Variants in EIF4B observed in about 807,000 individuals in gnomAD.
The protein encoded by EIF4B is eukaryotic translation initiation factor 4B.
In EIF4B, 8 loss-of-function variants were observed where a neutral mutation model predicts 79.3. That is an observed-to-expected ratio of 0.10 (90% confidence interval 0.06 to 0.18). The LOEUF (loss-of-function observed/expected upper bound fraction) is 0.18, where lower values mean the gene tolerates loss of function less well. Ranked by LOEUF, EIF4B falls within the 10% of genes least tolerant of loss-of-function variation. The probability of loss-of-function intolerance (pLI) is 1.00; values close to 1 mark genes in which losing one functional copy is unlikely to be tolerated. For missense variants in EIF4B, 515 were observed against 792.4 expected, an observed-to-expected ratio of 0.65 and a Z score of 4.20; for synonymous variants, 238 against 274.7, an observed-to-expected ratio of 0.87 and a Z score of 1.32.
At chr12:53,012,919 C>T (rs1447306849) in intron 1 of EIF4B, among the ~76,000 whole-genome samples, 3 of 152,128 alleles carry the variant, frequency 2.0e-5, no homozygotes, top group African/African-American at 7.2e-5. Flanking sequence ...ATTTCTTAAC[C>T]AGAGGGCCTG....
chr12:53,035,193 C>A (rs2120977133), intron 10 of EIF4B, among the ~76,000 whole-genome samples: 1 of 151,784 alleles, frequency 6.6e-6, no homozygotes, highest in East Asian at 1.9e-4. Flanking sequence ...CCTTCCCTTA[C>A]CATGATGTGT....
chr12:53,007,346 A>G (rs570523865), intron 1 of EIF4B, among the ~76,000 whole-genome samples: 1 of 148,162 alleles, frequency 6.7e-6, no homozygotes, highest in Non-Finnish European at 1.5e-5. Flanking sequence ...GCGCAGCTAT[A>G]TGCCAGGATC....
chr12:53,029,377 A>T (rs61929171), intron 8 of EIF4B, among the ~76,000 whole-genome samples: 929 of 13,978 alleles, frequency 0.066, 48 homozygotes, highest in Non-Finnish European at 0.13. Flanking sequence ...TTTTTATTTT[A>T]TTTTTTTTTT....
At chr12:53,007,714 C>A (rs1433254089) in intron 1 of EIF4B, among the ~76,000 whole-genome samples, 2 of 152,092 alleles carry the variant, frequency 1.3e-5, no homozygotes, top group African/African-American at 4.8e-5. Flanking sequence ...CATTTCTTAC[C>A]TAGTAATTCA....
rs1371263643 is a variant in EIF4B at position 53,041,191 on chromosome 12, T to G, written c.*968T>G. 6.6e-6 allele frequency: 1 copy of G among 152,236 alleles called. No individual in the cohort carries two copies. The highest frequency in any genetic ancestry group is 2.4e-5 in the African/African-American group (1 of 41,462). 9.4% of individuals were successfully genotyped at this position (152,236 alleles called of 1,614,324 possible). On this transcript the variant is annotated 3_prime_UTR_variant, in exon 15 of 15. Transcript: ENST00000262056. The stretch of plus-strand genomic sequence containing the variant: ...AAAAGCAGTATCTAAGTCACATACA[T>G]GATGTCTTGGGCATTTTCTCAGCCA...
At chr12:53,034,155 C>T in intron 9 of EIF4B, 121 bp downstream of exon 9, 3 of 987,478 alleles carry the variant, frequency 3.0e-6, no homozygotes, top group Non-Finnish European at 4.5e-6. Context: ...CACTGATGGG[C>T]ATTTAGTGGG....
chr12:53,031,988 T>C (rs1174138041), intron 8 of EIF4B, among the ~76,000 whole-genome samples: 1 of 152,236 alleles, frequency 6.6e-6, no homozygotes, highest in Non-Finnish European at 1.5e-5. Flanking sequence ...GAAATTTAAC[T>C]TCCTTGAAAC....
chr12:53,011,038 A>G (rs1943056232), intron 1 of EIF4B, among the ~76,000 whole-genome samples: 1 of 152,172 alleles, frequency 6.6e-6, no homozygotes, highest in African/African-American at 2.4e-5. Flanking sequence ...CCAAGGCAAG[A>G]GGATCACTTA....
chr12:53,019,618 G>A (rs921398896), intron 3 of EIF4B, among the ~76,000 whole-genome samples: 13 of 149,650 alleles, frequency 8.7e-5, no homozygotes, highest in Non-Finnish European at 1.5e-4. Flanking sequence ...CACCTGCTTC[G>A]GCCTCCCAAA....
intron 1 of EIF4B, among the ~76,000 whole-genome samples, chr12:53,009,612 A>G (rs1485359766): frequency 6.6e-6 from 1 of 152,154 alleles, no homozygotes; most frequent in Non-Finnish European, 1.5e-5. Flanking sequence ...TTATTTGATT[A>G]TTTTTATAGG....
chr12:53,006,666 G>A (rs546107791), intron 1 of EIF4B, among the ~76,000 whole-genome samples, 170 bp downstream of exon 1: 1 of 151,570 alleles, frequency 6.6e-6, no homozygotes, highest in Non-Finnish European at 1.5e-5. Flanking sequence ...TGGATGTTTG[G>A]GGGGGAGGGG....
At chr12:53,009,418 C>A (rs904046839) in intron 1 of EIF4B, among the ~76,000 whole-genome samples, 2 of 152,074 alleles carry the variant, frequency 1.3e-5, no homozygotes, top group Non-Finnish European at 2.9e-5. Context: ...CGCCTGTAAT[C>A]CAGGAGGCAG....
intron 2 of EIF4B, among the ~76,000 whole-genome samples, chr12:53,018,154 C>A (rs1053105923): frequency 1.3e-5 from 2 of 152,120 alleles, no homozygotes; most frequent in African/African-American, 4.8e-5. Flanking sequence ...CCACACCTGG[C>A]TAATTTTTGT....
At chr12:53,026,169 T>C (rs749668422) in intron 6 of EIF4B, among the ~76,000 whole-genome samples, 17 of 152,154 alleles carry the variant, frequency 1.1e-4, no homozygotes, top group Non-Finnish European at 2.2e-4. Context: ...TTAAAACGTG[T>C]AGGTTGTTTT....
At chr12:53,013,280 A>G (rs1467268294) in intron 1 of EIF4B, among the ~76,000 whole-genome samples, 1 of 152,158 alleles carries the variant, frequency 6.6e-6, no homozygotes, top group Non-Finnish European at 1.5e-5. Flanking sequence ...TTCTGTTTTT[A>G]TCCTCCCAGT....
At chr12:53,037,793 T>C (rs1943564455) in intron 11 of EIF4B, 171 bp downstream of exon 11, 1 of 710,368 alleles carries the variant, frequency 1.4e-6, no homozygotes, top group South Asian at 1.9e-5. Flanking sequence ...TGTTCCATTT[T>C]CTGGAGTTCC....
chr12:53,032,708 C>G (rs1197456154), intron 8 of EIF4B, among the ~76,000 whole-genome samples: 2 of 140,752 alleles, frequency 1.4e-5, no homozygotes, highest in Admixed American at 1.5e-4. Context: ...GCACTTGTTG[C>G]CCAGTTTGGA....
chr12:53,006,546 C>T (rs371862379), intron 1 of EIF4B, 50 bp downstream of exon 1: 142 of 1,612,774 alleles, frequency 8.8e-5, no homozygotes, highest in Admixed American at 1.3e-4. Flanking sequence ...AAACCCCCCT[C>T]CGAGCGTGAT....
At chr12:53,038,826 A>AG (rs1491119582) in intron 12 of EIF4B, 1 of 160,250 alleles carries the variant, frequency 6.2e-6, no homozygotes, top group African/African-American at 2.5e-5. Flanking sequence ...CAAAAAAAAA[A>AG]GAATTATTGG....
Sources: gnomAD v4.1 joint callset for allele counts (sites outside exome capture counted in the v4.1 genomes callset) on GRCh38, gnomAD v4.1.1 for gene constraint, MANE v1.5 for transcripts, NCBI Gene and HGNC (gene_info 2026-07-23, HGNC 2026-07-21) for gene names.